ZNF787: variants seen among roughly 807,000 people sequenced by gnomAD.
The protein encoded by ZNF787 is zinc finger protein 787.
In ZNF787, 7 loss-of-function variants were observed where a neutral mutation model predicts 16.9. That is an observed-to-expected ratio of 0.42 (90% CI 0.24 to 0.78). ZNF787 has a LOEUF of 0.78. ZNF787 is among the 30% of genes least tolerant of loss of function. ZNF787 has a pLI of 0.30. For synonymous variants in ZNF787, 345 were observed against 270.9 expected (o/e 1.27, Z -2.69); for missense variants, 551 against 589.3 (o/e 0.94, Z 0.67).
chr19:56,103,137 A>C lies in ZNF787; in HGVS notation c.79+2T>G. 6.2e-7 allele frequency: 1 copy of C among 1,610,086 alleles called. No homozygotes were observed. Among genetic ancestry groups the C allele is most frequent in the Non-Finnish European group, 8.5e-7 (1 of 1,177,470 alleles). Reference sequence around the variant, plus strand: ...CGGCTGGGAAGGCCTCTGGCTGCTCACCTGGGTTCTCGTGACTGGCCATCT... The same window carrying C: ...CGGCTGGGAAGGCCTCTGGCTGCTCCCCTGGGTTCTCGTGACTGGCCATCT... On this transcript the variant is annotated splice_donor_variant, in intron 2 of 2. Coordinates refer to ENST00000610935, the MANE Select transcript of ZNF787 (RefSeq NM_001002836.4). LOFTEE classifies it high-confidence loss of function.
In ZNF787 at chr19:56,088,215, G is replaced by A. The variant is rs748779818; in HGVS notation, c.957C>T (p.Cys319=). The A allele has an allele frequency of 1.5e-5, 23 of 1,518,400 alleles. No homozygotes were observed. The East Asian group carries it at 3.1e-4, about 20-fold the overall frequency. 94.1% of individuals were successfully genotyped at this position (1,518,400 alleles called of 1,614,324 possible). Residue 319 remains cysteine, a synonymous_variant, in exon 3 of 3, where the codon TGC becomes TGT. Transcript: ENST00000610935. This position sits in a 1 kb window ranked among gnomAD's most constrained non-coding sequence, Gnocchi z 8.6. ...AAGGEEPAHI[C]VECGEGFVQG... is the part of the protein sequence containing the mutation. ...GCACGAAGCCCTCCCCGCACTCCAC[G>A]CAGATGTGGGCCGGCTCCTCGCCCC...
At position 56,087,775 on chromosome 19, in the gene ZNF787, C is replaced by T; in HGVS notation, c.*248G>A. ...TTCTCTCCATTGTCTCTCCGGCTCG[C>T]AGGCCGATAACTTAGGAAGGGCGGG... is the stretch of plus-strand genomic sequence containing the variant. On this transcript the variant is annotated 3_prime_UTR_variant, in exon 3 of 3. Transcript: ENST00000610935. 1 of 511,676 alleles carries T rather than the reference C, an allele frequency of 2.0e-6. No individual in the cohort carries two copies. Among genetic ancestry groups the T allele is most frequent in the South Asian group, 8.6e-5 (1 of 11,628 alleles). 31.7% of individuals were successfully genotyped at this position (511,676 alleles called of 1,614,324 possible).
intron 1 of ZNF787, among the ~76,000 whole-genome samples, chr19:56,108,856 C>T (rs1447908106): frequency 6.6e-6 from 1 of 152,216 alleles, no homozygotes; most frequent in African/African-American, 2.4e-5. Flanking sequence ...GCTAAACTGC[C>T]ATGAACATGC....
At chr19:56,100,713 T>A (rs570664888) in intron 2 of ZNF787, among the ~76,000 whole-genome samples, 13 of 84,250 alleles carry the variant, frequency 1.5e-4, no homozygotes, top group South Asian at 4.4e-4. Context: ...CCCCACATGC[T>A]ATGGCCAGGC....
chr19:56,103,546 CTCGCGCCTCA>C (rs1986186163), intron 1 of ZNF787: 1 of 361,114 alleles, frequency 2.8e-6, no homozygotes, highest in East Asian at 4.3e-5. Flanking sequence ...CTCGCGCCTC[CTCGCGCCTCA>C]GCTTCCTCAC....
At position 56,088,371 on chromosome 19, in the gene ZNF787, C is replaced by T. The variant is rs1316305226; in HGVS notation, c.801G>A (p.Ala267=). 3.6e-6 allele frequency: 4 copies of T among 1,120,158 alleles called. No individual in the cohort carries two copies. The highest frequency in any genetic ancestry group is 1.0e-4 in the Admixed American group (2 of 19,704). The allele number at this position is 1,120,158 out of a possible 1,614,324, so 69.4% of individuals were successfully genotyped here. Residue 267 remains alanine, a synonymous_variant, in exon 3 of 3, where the codon GCG becomes GCA. Coordinates refer to ENST00000610935, the MANE Select transcript of ZNF787 (RefSeq NM_001002836.4). The surrounding 1 kb of genome is among the most constrained non-coding windows in gnomAD (Gnocchi z 8.6). ...CCGGGGCGCGCCGCGACCGGGGCCC[C>T]GCGGCCTTTGCCCCCGCGCCCGCCA... ...AAMAGAGAKA[A]GPRSRRAPAP...
chr19:56,096,241 A>AT (rs1985865239), intron 2 of ZNF787, among the ~76,000 whole-genome samples: 1 of 133,938 alleles, frequency 7.5e-6, no homozygotes, highest in African/African-American at 2.8e-5. Context: ...AAAAATAAAA[A>AT]AAATAAAAAA....
intron 2 of ZNF787, among the ~76,000 whole-genome samples, chr19:56,092,322 G>A (rs1985637188): frequency 6.6e-6 from 1 of 152,190 alleles, no homozygotes; most frequent in Non-Finnish European, 1.5e-5. Context: ...TTAATCCATG[G>A]CCAACACTAT....
rs8109851 is a variant in ZNF787 at position 56,087,871 on chromosome 19, G to A, written c.*152C>T. The A allele has an allele frequency of 0.013, 16,161 of 1,210,932 alleles. 1,198 individuals are homozygous for A. In the African/African-American group the frequency reaches 0.19, roughly 14 times the overall value. 75.0% of individuals were successfully genotyped at this position (1,210,932 alleles called of 1,614,324 possible). ...CTAATACGCCCCAGTGCCCCCCCAC[G>A]GACGGCGCAGGGACAGAGGAGGGCG... On this transcript the variant is annotated 3_prime_UTR_variant, in exon 3 of 3. Coordinates refer to ENST00000610935, the MANE Select transcript of ZNF787 (RefSeq NM_001002836.4).
At chr19:56,095,497 G>C (rs1017309618) in intron 2 of ZNF787, among the ~76,000 whole-genome samples, 1 of 152,212 alleles carries the variant, frequency 6.6e-6, no homozygotes, top group African/African-American at 2.4e-5. Context: ...GCTTGGTTCA[G>C]GGTAGCTGTT....
chr19:56,100,356 A>G (rs1339589161), intron 2 of ZNF787, among the ~76,000 whole-genome samples: 1 of 151,896 alleles, frequency 6.6e-6, no homozygotes, highest in Non-Finnish European at 1.5e-5. Context: ...CTCCTTCTCA[A>G]CCTTCCCTAG....
chr19:56,088,220 T>G lies in ZNF787; in HGVS notation c.952A>C (p.Ile318Leu). Residue 318 changes from isoleucine to leucine, a missense_variant, in exon 3 of 3, where the codon ATC becomes CTC. Physicochemically the swap from Ile to Leu is conservative, Grantham distance 5 (BLOSUM62 2). Coordinates refer to ENST00000610935, the MANE Select transcript of ZNF787 (RefSeq NM_001002836.4). The surrounding 1 kb of genome is among the most constrained non-coding windows in gnomAD (Gnocchi z 8.6). Reference sequence around the variant, plus strand: ...AAGCCCTCCCCGCACTCCACGCAGATGTGGGCCGGCTCCTCGCCCCCCGCC... The same window carrying G: ...AAGCCCTCCCCGCACTCCACGCAGAGGTGGGCCGGCTCCTCGCCCCCCGCC... Reference protein sequence around the residue: ...GAAGGEEPAHICVECGEGFVQ... With the variant: ...GAAGGEEPAHLCVECGEGFVQ... 6.6e-7 allele frequency: 1 copy of G among 1,514,652 alleles called. No individual in the cohort carries two copies. Among genetic ancestry groups the G allele is most frequent in the Non-Finnish European group, 8.8e-7 (1 of 1,137,448 alleles). The allele number at this position is 1,514,652 out of a possible 1,614,324, so 93.8% of individuals were successfully genotyped here. A position where few individuals can be genotyped will look rare whatever the true frequency, so the allele number is the denominator to read the frequency against.
At chr19:56,101,478 A>AGAGTGAGTGTAT (rs1378682726) in intron 2 of ZNF787, among the ~76,000 whole-genome samples, 1 of 152,250 alleles carries the variant, frequency 6.6e-6, no homozygotes, top group African/African-American at 2.4e-5. Context: ...TTCTACAAAG[A>AGAGTGAGTGTAT]GAGTGAGTGT....
chr19:56,102,792 T>C (rs1366129117), intron 2 of ZNF787: 5 of 653,726 alleles, frequency 7.6e-6, no homozygotes, highest in Non-Finnish European at 1.4e-5. Context: ...TAGCAGAGGG[T>C]CCAGGATGTG....
chr19:56,095,051 T>A (rs1179987792), intron 2 of ZNF787, among the ~76,000 whole-genome samples: 3 of 151,966 alleles, frequency 2.0e-5, no homozygotes, highest in Non-Finnish European at 4.4e-5. Flanking sequence ...GAGGTGGAGG[T>A]TGCAGTGAGC....
intron 2 of ZNF787, among the ~76,000 whole-genome samples, chr19:56,092,044 A>C (rs77815911): frequency 0.026 from 3,286 of 128,810 alleles, 93 homozygotes; most frequent in African/African-American, 0.087. Flanking sequence ...GCCGAAGCCG[A>C]AGCCTCACCC....
intron 1 of ZNF787, among the ~76,000 whole-genome samples, chr19:56,111,599 G>C (rs1026409115): frequency 3.9e-5 from 6 of 152,272 alleles, no homozygotes; most frequent in Non-Finnish European, 2.9e-5. Flanking sequence ...GGAGGGGTAA[G>C]GGGTGAGGGG....
At chr19:56,105,608 T>C (rs1986272466) in intron 1 of ZNF787, 1 of 151,820 alleles carries the variant, frequency 6.6e-6, no homozygotes, top group South Asian at 2.1e-4. Context: ...CCACCCAGCT[T>C]CTCGGGGGAA....
chr19:56,092,010 G>GCCGAAA (rs1196401805), intron 2 of ZNF787, among the ~76,000 whole-genome samples: 1 of 102,256 alleles, frequency 9.8e-6, no homozygotes, highest in Non-Finnish European at 2.2e-5. Context: ...GGAAGCCAAA[G>GCCGAAA]CCGAAACCGA....
Sources: allele counts gnomAD v4.1 joint callset (sites outside exome capture counted in the v4.1 genomes callset), GRCh38; gene constraint gnomAD v4.1.1; non-coding constraint Gnocchi (gnomAD v3.1); transcripts MANE v1.5; gene names NCBI Gene and HGNC (gene_info 2026-07-23, HGNC 2026-07-21).